The following GRM3 variants were observed in gnomAD, a reference collection of about 807,000 sequenced individuals.
GRM3 encodes the protein glutamate metabotropic receptor 3.
In GRM3, 26 loss-of-function variants were observed where a neutral mutation model predicts 70.5. The observed-to-expected ratio is 0.37, with a 90% confidence interval of 0.27 to 0.51. The LOEUF is 0.51. Ranked by LOEUF, GRM3 falls within the 20% of genes least tolerant of loss-of-function variation. The pLI is 0.93. For synonymous variants in GRM3, 443 were observed against 434.9 expected (o/e 1.02, Z -0.23); for missense variants, 859 against 1,123.8 (o/e 0.76, Z 3.37).
intron 1 of GRM3, among the ~76,000 whole-genome samples, chr7:86,658,169 G>C (rs532285421): frequency 6.6e-6 from 1 of 152,132 alleles, no homozygotes; most frequent in Admixed American, 6.6e-5. Flanking sequence ...CTTGACCTTC[G>C]TCTTATACCC....
At chr7:86,822,476 C>T (rs1049098029) in intron 3 of GRM3, among the ~76,000 whole-genome samples, 1 of 151,798 alleles carries the variant, frequency 6.6e-6, no homozygotes, top group Non-Finnish European at 1.5e-5. Flanking sequence ...AGTGATTTTA[C>T]AGGTGGTACA....
At chr7:86,685,029 C>T (rs925477951) in intron 1 of GRM3, among the ~76,000 whole-genome samples, 4 of 152,164 alleles carry the variant, frequency 2.6e-5, no homozygotes, top group African/African-American at 9.7e-5. Context: ...TTTGTTCAGA[C>T]TGTTACTTTT....
chr7:86,796,106 C>A (rs1166681261), intron 3 of GRM3, among the ~76,000 whole-genome samples: 1 of 152,078 alleles, frequency 6.6e-6, no homozygotes, highest in Non-Finnish European at 1.5e-5. Context: ...GTGGCAATTG[C>A]TTTTGATGTT....
chr7:86,698,145 A>C (rs549907384), intron 1 of GRM3, among the ~76,000 whole-genome samples: 31 of 152,222 alleles, frequency 2.0e-4, no homozygotes, highest in African/African-American at 7.2e-4. Context: ...AGCAGCAAAC[A>C]TTCCAATTAC....
chr7:86,853,009 T>C (rs968467623), intron 5 of GRM3, among the ~76,000 whole-genome samples: 7 of 152,168 alleles, frequency 4.6e-5, no homozygotes, highest in African/African-American at 1.7e-4. Flanking sequence ...CATTAAATTA[T>C]TGAGTACCTA....
At chr7:86,695,532 C>T (rs553143580) in intron 1 of GRM3, among the ~76,000 whole-genome samples, 2 of 152,144 alleles carry the variant, frequency 1.3e-5, no homozygotes, top group African/African-American at 4.8e-5. Context: ...TAAGGCCAAA[C>T]ATTAAAGGAC....
Position 86,864,358 on chromosome 7 carries a change from G to C in GRM3, c.*3G>C. 6.2e-7 allele frequency: 1 copy of C among 1,604,982 alleles called. No individual in the cohort carries two copies. Among genetic ancestry groups the C allele is most frequent in the South Asian group, 1.1e-5 (1 of 90,898 alleles). On this transcript the variant is annotated 3_prime_UTR_variant, in exon 6 of 6. Coordinates refer to ENST00000361669, the MANE Select transcript of GRM3 (RefSeq NM_000840.3). ...ACTCCACCACCTCATCTCTGTGATTGTGAATTGCAGTTCAGTTCTTGTGTT... is the reference window on the plus strand; with the variant it reads ...ACTCCACCACCTCATCTCTGTGATTCTGAATTGCAGTTCAGTTCTTGTGTT...
chr7:86,709,831 C>A (rs971364949), intron 1 of GRM3, among the ~76,000 whole-genome samples: 2 of 152,034 alleles, frequency 1.3e-5, no homozygotes, highest in African/African-American at 2.4e-5. Flanking sequence ...AATATATATC[C>A]TAAGACTTAG....
At chr7:86,666,782 T>C (rs1326163514) in intron 1 of GRM3, among the ~76,000 whole-genome samples, 1 of 152,104 alleles carries the variant, frequency 6.6e-6, no homozygotes, top group Non-Finnish European at 1.5e-5. Context: ...ATTAGGAAAC[T>C]AATTCGAGAT....
In GRM3 at chr7:86,797,823, T is replaced by C. The variant is rs1797586282; in HGVS notation, c.1324+10707T>C. 3.3e-5 allele frequency among the ~76,000 whole-genome samples: 5 copies of C among 152,058 alleles called. No individual in the cohort carries two copies. In the South Asian group the frequency reaches 8.3e-4, roughly 25 times the overall value. On this transcript the variant is annotated intron_variant, in intron 3 of 5. Coordinates refer to ENST00000361669, the MANE Select transcript of GRM3 (RefSeq NM_000840.3). ...ATCACAACTCAGAAGGCCTAGGAGA[T>C]AAAAAATGATTTCCTGGGCTGGGAC...
chr7:86,837,946 A>G (rs377007783), intron 3 of GRM3, among the ~76,000 whole-genome samples: 51 of 152,308 alleles, frequency 3.3e-4, no homozygotes, highest in African/African-American at 1.2e-3. Flanking sequence ...TGGCATAGAA[A>G]TGGGTGATCA....
chr7:86,808,553 A>T (rs1473698763), intron 3 of GRM3, among the ~76,000 whole-genome samples: 1 of 151,940 alleles, frequency 6.6e-6, no homozygotes, highest in African/African-American at 2.4e-5. Flanking sequence ...CCATGAAGAA[A>T]AATATAGCAC....
At chr7:86,745,439 A>G (rs191004380) in intron 1 of GRM3, among the ~76,000 whole-genome samples, 55 of 152,212 alleles carry the variant, frequency 3.6e-4, no homozygotes, top group African/African-American at 1.3e-3. Flanking sequence ...TTACTTAAAC[A>G]TCTGGGAAGA....
chr7:86,700,904 C>T (rs1029081120), intron 1 of GRM3, among the ~76,000 whole-genome samples: 1 of 151,882 alleles, frequency 6.6e-6, no homozygotes, highest in Non-Finnish European at 1.5e-5. Flanking sequence ...AACTTACCCT[C>T]TACTAATTAG....
chr7:86,776,954 A>T (rs1796908089), intron 2 of GRM3, among the ~76,000 whole-genome samples: 1 of 152,174 alleles, frequency 6.6e-6, no homozygotes. Flanking sequence ...CATGGGGGAA[A>T]AGGGAAGCAA....
intron 1 of GRM3, among the ~76,000 whole-genome samples, chr7:86,696,943 C>A (rs1202224543): frequency 6.6e-6 from 1 of 152,184 alleles, no homozygotes; most frequent in Non-Finnish European, 1.5e-5. Context: ...GACCCTATCT[C>A]CCATCTTTTC....
At chr7:86,680,177 C>T (rs1368774974) in intron 1 of GRM3, among the ~76,000 whole-genome samples, 3 of 151,966 alleles carry the variant, frequency 2.0e-5, no homozygotes, top group Admixed American at 1.3e-4. Context: ...CATGATAAAG[C>T]GCCTAGGAAC....
At chr7:86,674,820 A>C (rs1040842484) in intron 1 of GRM3, among the ~76,000 whole-genome samples, 3 of 152,032 alleles carry the variant, frequency 2.0e-5, no homozygotes, top group African/African-American at 7.2e-5. Context: ...CTTGACCCCA[A>C]GATTTTTCTC....
intron 1 of GRM3, among the ~76,000 whole-genome samples, chr7:86,754,786 G>C (rs1344066046): frequency 6.6e-6 from 1 of 152,074 alleles, no homozygotes; most frequent in Non-Finnish European, 1.5e-5. Flanking sequence ...GGAATTTATT[G>C]TCTCATGTTA....
Sources: allele counts gnomAD v4.1 joint callset (sites outside exome capture counted in the v4.1 genomes callset), GRCh38; gene constraint gnomAD v4.1.1; transcripts MANE v1.5; gene names NCBI Gene and HGNC (gene_info 2026-07-23, HGNC 2026-07-21).